The following CMSS1 variants were observed in gnomAD, a reference collection of about 807,000 sequenced individuals.
The protein encoded by CMSS1 is protein CMSS1.
In CMSS1, 33 loss-of-function variants were observed where a neutral mutation model predicts 43.5. That is an observed-to-expected ratio of 0.76 (90% CI 0.57 to 1.01). CMSS1 has a LOEUF of 1.01. Ranked by LOEUF, CMSS1 falls within the 50% of genes least tolerant of loss-of-function variation. CMSS1 has a pLI of 0.00. For missense variants in CMSS1, 313 were observed against 326.4 expected, an observed-to-expected ratio of 0.96 and a Z score of 0.32; for synonymous variants, 115 against 117.2, an observed-to-expected ratio of 0.98 and a Z score of 0.12.
At chr3:100,153,325 T>G (rs2066938567) in intron 2 of CMSS1, among the ~76,000 whole-genome samples, 1 of 152,240 alleles carries the variant, frequency 6.6e-6, no homozygotes, top group Non-Finnish European at 1.5e-5. Flanking sequence ...GTTTAAGGCT[T>G]CTTTCATTCG....
At chr3:99,887,806 G>T (rs1201751201) in intron 1 of CMSS1, among the ~76,000 whole-genome samples, 2 of 152,128 alleles carry the variant, frequency 1.3e-5, no homozygotes, top group Admixed American at 1.3e-4. Context: ...ACAATCACGG[G>T]TCACTGCAGC....
chr3:99,962,544 G>A (rs13076199), intron 1 of CMSS1, among the ~76,000 whole-genome samples: 10,143 of 152,212 alleles, frequency 0.067, 403 homozygotes, highest in Middle Eastern at 0.085. Context: ...GGAGAAAGAA[G>A]AGGAAGAGAT....
chr3:99,966,297 G>A (rs1482404672), intron 1 of CMSS1, among the ~76,000 whole-genome samples: 1 of 152,080 alleles, frequency 6.6e-6, no homozygotes, highest in Non-Finnish European at 1.5e-5. Flanking sequence ...GATCTCCTGG[G>A]GCAAAGCAGC....
At chr3:99,938,264 T>G (rs1328801709) in intron 1 of CMSS1, among the ~76,000 whole-genome samples, 1 of 152,178 alleles carries the variant, frequency 6.6e-6, no homozygotes, top group African/African-American at 2.4e-5. Flanking sequence ...ATGAACTGAG[T>G]ATGCACTACA....
chr3:100,001,034 C>G (rs1250102027), intron 1 of CMSS1, among the ~76,000 whole-genome samples: 1 of 152,092 alleles, frequency 6.6e-6, no homozygotes, highest in African/African-American at 2.4e-5. Context: ...TTGAATTGTT[C>G]TATATTTCAC....
intron 1 of CMSS1, among the ~76,000 whole-genome samples, chr3:100,056,997 C>CT (rs2065476414): frequency 6.6e-6 from 1 of 151,806 alleles, no homozygotes; most frequent in Non-Finnish European, 1.5e-5. Flanking sequence ...GAGCGAGACT[C>CT]TGTCTCAAAA....
At chr3:99,861,034 G>A (rs944748946) in intron 1 of CMSS1, among the ~76,000 whole-genome samples, 3 of 152,146 alleles carry the variant, frequency 2.0e-5, no homozygotes, top group Non-Finnish European at 4.4e-5. Context: ...GTGCTAGAGA[G>A]TCTACTCATT....
intron 1 of CMSS1, chr3:99,929,767 A>C: frequency 2.2e-6 from 2 of 929,680 alleles, no homozygotes; most frequent in Non-Finnish European, 3.1e-6. Flanking sequence ...TAAAACTGTA[A>C]GGAATCAAAG....
rs1354312121 is a variant in CMSS1, at chr3:100,180,019, C to G, written c.*1631C>G. 6.6e-6 allele frequency: 1 copy of G among 152,406 alleles called. No homozygotes were observed. Among genetic ancestry groups the G allele is most frequent in the Non-Finnish European group, 1.5e-5 (1 of 68,154 alleles). 9.4% of individuals were successfully genotyped at this position (152,406 alleles called of 1,614,324 possible). The stretch of plus-strand genomic sequence containing the variant: ...TGCCAAGGCTTGGGGCTTGCACCCT[C>G]TGAAGCAATGGTTCAGCTGTACCTT... On this transcript the variant is annotated 3_prime_UTR_variant, in exon 10 of 10. Coordinates refer to ENST00000421999, the MANE Select transcript of CMSS1 (RefSeq NM_032359.4).
chr3:100,091,326 G>C (rs1425073781), intron 1 of CMSS1, among the ~76,000 whole-genome samples: 2 of 151,644 alleles, frequency 1.3e-5, no homozygotes, highest in African/African-American at 4.8e-5. Context: ...CTGCCTTTAA[G>C]GGGTGTGCAT....
At chr3:100,082,370 C>G (rs577095346) in intron 1 of CMSS1, among the ~76,000 whole-genome samples, 1 of 152,332 alleles carries the variant, frequency 6.6e-6, no homozygotes, top group African/African-American at 2.4e-5. Flanking sequence ...CTCCTCTGTA[C>G]TGCTGGGGAG....
intron 1 of CMSS1, among the ~76,000 whole-genome samples, chr3:99,933,930 C>T (rs572681786): frequency 1.3e-5 from 2 of 152,286 alleles, no homozygotes; most frequent in East Asian, 3.9e-4. Context: ...ATAACAATGG[C>T]TCAGAATTCT....
intron 1 of CMSS1, among the ~76,000 whole-genome samples, chr3:100,076,695 G>A (rs1043137666): frequency 6.6e-6 from 1 of 152,150 alleles, no homozygotes; most frequent in Non-Finnish European, 1.5e-5. Flanking sequence ...CATGAATATT[G>A]TTTGACTTCA....
chr3:100,124,111 G>A (rs1459746926), intron 1 of CMSS1, among the ~76,000 whole-genome samples: 3 of 152,146 alleles, frequency 2.0e-5, no homozygotes, highest in Non-Finnish European at 4.4e-5. Context: ...CTCTCCGCTA[G>A]AATAAAAGGT....
chr3:100,033,235 G>GACTGCTTGCAATT (rs1481873393), intron 1 of CMSS1, among the ~76,000 whole-genome samples: 8 of 152,142 alleles, frequency 5.3e-5, no homozygotes, highest in Admixed American at 2.0e-4. Context: ...TGGTTTATGT[G>GACTGCTTGCAATT]TCCATTGACT....
At chr3:99,937,084 C>T (rs1311461817) in intron 1 of CMSS1, among the ~76,000 whole-genome samples, 1 of 151,946 alleles carries the variant, frequency 6.6e-6, no homozygotes, top group Non-Finnish European at 1.5e-5. Context: ...ATTACAGGCG[C>T]CTGCCATCAT....
intron 1 of CMSS1, among the ~76,000 whole-genome samples, chr3:100,098,395 T>C (rs1283874293): frequency 6.6e-6 from 1 of 152,200 alleles, no homozygotes; most frequent in African/African-American, 2.4e-5. Context: ...CAGGCTAAAC[T>C]TTCTCATCTG....
intron 6 of CMSS1, among the ~76,000 whole-genome samples, chr3:100,170,951 T>G (rs1446241761): frequency 6.6e-6 from 1 of 152,164 alleles, no homozygotes; most frequent in Admixed American, 6.5e-5. Context: ...AAAATCAGAT[T>G]GCACATATAA....
At chr3:100,056,726 G>A (rs866265991) in intron 1 of CMSS1, among the ~76,000 whole-genome samples, 12 of 151,714 alleles carry the variant, frequency 7.9e-5, no homozygotes, top group African/African-American at 2.4e-4. Flanking sequence ...GGGGCCGGGC[G>A]CGGTGGCTCA....
Sources: gnomAD v4.1 joint callset for allele counts (sites outside exome capture counted in the v4.1 genomes callset) on GRCh38, gnomAD v4.1.1 for gene constraint, MANE v1.5 for transcripts, NCBI Gene and HGNC (gene_info 2026-07-23, HGNC 2026-07-21) for gene names.